CDK19: variants seen among roughly 807,000 people sequenced by gnomAD.
The protein encoded by CDK19 is cyclin-dependent kinase 19.
A neutral mutation model predicts 68.3 loss-of-function variants in CDK19; 20 were observed. That is an observed-to-expected ratio of 0.29 (90% CI 0.21 to 0.43). The LOEUF is 0.43. Among genes scored for constraint, CDK19 ranks in the 20% least tolerant of loss-of-function variants. The pLI is 1.00. For synonymous variants in CDK19, 221 were observed against 222.8 expected (o/e 0.99, Z 0.07); for missense variants, 339 against 623.5 (o/e 0.54, Z 4.86).
chr6:110,651,232 ACTATCTATCTAT>A (rs61558536), intron 4 of CDK19, among the ~76,000 whole-genome samples: 17 of 149,936 alleles, frequency 1.1e-4, no homozygotes, highest in Admixed American at 6.6e-4. Flanking sequence ...AAATAGATCT[ACTATCTATCTAT>A]CTATCTATCT....
At chr6:110,629,551 C>T (rs995567470) in intron 6 of CDK19, among the ~76,000 whole-genome samples, 1 of 152,174 alleles carries the variant, frequency 6.6e-6, no homozygotes, top group Non-Finnish European at 1.5e-5. Flanking sequence ...GACGGGGATT[C>T]ACCATGTTGG....
intron 2 of CDK19, among the ~76,000 whole-genome samples, chr6:110,701,354 A>G (rs1176647404): frequency 2.0e-5 from 3 of 151,150 alleles, no homozygotes; most frequent in African/African-American, 7.3e-5. Flanking sequence ...CATCCTGGCT[A>G]ACACAGTGAA....
chr6:110,746,302 T>C, intron 1 of CDK19, 101 bp from the exon 2 acceptor site: 1 of 654,098 alleles, frequency 1.5e-6, no homozygotes. Flanking sequence ...CTCAGTGATA[T>C]GTAAACATTC....
intron 12 of CDK19, among the ~76,000 whole-genome samples, chr6:110,616,822 C>T (rs1034820195): frequency 1.3e-5 from 2 of 151,992 alleles, no homozygotes; most frequent in Admixed American, 6.6e-5. Flanking sequence ...TCAACTCATA[C>T]GTTATTTGGG....
At chr6:110,807,621 G>A (rs1232650112) in intron 1 of CDK19, among the ~76,000 whole-genome samples, 10 of 151,946 alleles carry the variant, frequency 6.6e-5, no homozygotes, top group Admixed American at 4.6e-4. Flanking sequence ...TACCACGCCC[G>A]GCTAATTTTT....
At chr6:110,759,535 C>T (rs1029960665) in intron 1 of CDK19, among the ~76,000 whole-genome samples, 2 of 148,122 alleles carry the variant, frequency 1.4e-5, no homozygotes, top group African/African-American at 2.5e-5. Flanking sequence ...CCTGGGAGTT[C>T]GAAGTTGCAG....
At chr6:110,724,529 A>G (rs1222018094) in intron 2 of CDK19, among the ~76,000 whole-genome samples, 2 of 152,170 alleles carry the variant, frequency 1.3e-5, no homozygotes, top group African/African-American at 4.8e-5. Flanking sequence ...TAGTGACACA[A>G]CTGTATCTAA....
At chr6:110,642,481 G>C (rs1026617810) in intron 4 of CDK19, among the ~76,000 whole-genome samples, 2 of 152,056 alleles carry the variant, frequency 1.3e-5, no homozygotes, top group East Asian at 3.9e-4. Flanking sequence ...TTGCCCTCGT[G>C]GAGCTTACAG....
At chr6:110,657,315 T>C (rs571574135) in intron 4 of CDK19, among the ~76,000 whole-genome samples, 14 of 152,318 alleles carry the variant, frequency 9.2e-5, no homozygotes, top group African/African-American at 2.4e-4. Context: ...GTGTGCTTAG[T>C]TGAGGATATG....
chr6:110,652,643 C>T (rs905434189), intron 4 of CDK19, among the ~76,000 whole-genome samples: 1 of 152,096 alleles, frequency 6.6e-6, no homozygotes, highest in Non-Finnish European at 1.5e-5. Context: ...AGCTGCTGAA[C>T]GCAAGTAGTA....
chr6:110,639,969 T>C (rs759813453), intron 4 of CDK19, among the ~76,000 whole-genome samples: 51 of 152,110 alleles, frequency 3.4e-4, no homozygotes, highest in Non-Finnish European at 5.6e-4. Context: ...TCCTAGGACT[T>C]TGGGAGACCG....
At chr6:110,680,794 C>T (rs573293985) in intron 2 of CDK19, among the ~76,000 whole-genome samples, 36 of 152,062 alleles carry the variant, frequency 2.4e-4, no homozygotes, top group African/African-American at 8.7e-4. Context: ...GCCAGGAGTT[C>T]GAGGCCAGCC....
chr6:110,704,158 C>G (rs1038493388), intron 2 of CDK19, among the ~76,000 whole-genome samples: 2 of 152,108 alleles, frequency 1.3e-5, no homozygotes, highest in African/African-American at 4.8e-5. Flanking sequence ...CCTGTTTGGT[C>G]AAGACAGATA....
intron 1 of CDK19, among the ~76,000 whole-genome samples, chr6:110,783,160 A>C (rs140881018): frequency 6.6e-6 from 1 of 152,298 alleles, no homozygotes; most frequent in East Asian, 1.9e-4. Flanking sequence ...CTGAGAGATG[A>C]CATGGGAGGA....
chr6:110,660,188 AC>A (rs1169452544), intron 4 of CDK19, among the ~76,000 whole-genome samples: 8 of 152,010 alleles, frequency 5.3e-5, no homozygotes, highest in Admixed American at 2.6e-4. Flanking sequence ...TATTTCCCTG[AC>A]CCCTTCGCAG....
chr6:110,741,486 A>T (rs114886828), intron 2 of CDK19, among the ~76,000 whole-genome samples: 3,117 of 149,204 alleles, frequency 0.021, 87 homozygotes, highest in African/African-American at 0.074. Flanking sequence ...AAATAAATTA[A>T]AAAAAAAAAG....
At chr6:110,750,347 AG>A (rs1778391399) in intron 1 of CDK19, among the ~76,000 whole-genome samples, 14 of 151,666 alleles carry the variant, frequency 9.2e-5, no homozygotes, top group Non-Finnish European at 1.5e-4. Context: ...CTAGGCCAGC[AG>A]CCAGAGGCAG....
intron 1 of CDK19, among the ~76,000 whole-genome samples, chr6:110,788,715 T>C (rs545269832): frequency 1.3e-5 from 2 of 152,360 alleles, no homozygotes; most frequent in African/African-American, 4.8e-5. Context: ...CCTTTTGGCA[T>C]AGCTGGAGAA....
At position 110,815,180 on chromosome 6, in the gene CDK19, C is replaced by T; in HGVS notation, c.-44G>A. ...AGGCACGGGACGCGGGGGCCGCCGC[C>T]GCTCAGTCCCTCCTCCTCCTCCCCC... On this transcript the variant is annotated 5_prime_UTR_variant, in exon 1 of 13. Coordinates refer to ENST00000368911, the MANE Select transcript of CDK19 (RefSeq NM_015076.5). 6.5e-7 allele frequency: 1 copy of T among 1,546,380 alleles called. No individual in the cohort carries two copies. The highest frequency in any genetic ancestry group is 8.7e-7 in the Non-Finnish European group (1 of 1,146,632).
Sources: gnomAD v4.1 joint callset for allele counts (sites outside exome capture counted in the v4.1 genomes callset) on GRCh38, gnomAD v4.1.1 for gene constraint, MANE v1.5 for transcripts, NCBI Gene and HGNC (gene_info 2026-07-23, HGNC 2026-07-21) for gene names.